LINGO2: variants seen among roughly 807,000 people sequenced by gnomAD.
LINGO2 encodes the protein leucine rich repeat and Ig domain containing 2, also known as leucine-rich repeat and immunoglobulin-like domain-containing nogo receptor-interacting protein 2.
In LINGO2, 14 loss-of-function variants were observed where a neutral mutation model predicts 30.6. The observed-to-expected ratio is 0.46, with a 90% CI of 0.30 to 0.72. The LOEUF (loss-of-function observed/expected upper bound fraction) is 0.72, where lower values mean the gene tolerates loss of function less well. Among genes scored for constraint, LINGO2 ranks in the 30% least tolerant of loss-of-function variants. LINGO2 has a pLI of 0.07. For synonymous variants in LINGO2, 317 were observed against 288.5 expected (o/e 1.10, Z -1.00); for missense variants, 729 against 751.7 (o/e 0.97, Z 0.35).
At chr9:28,104,849 G>A (rs1006278228) in intron 4 of LINGO2, among the ~76,000 whole-genome samples, 4 of 152,002 alleles carry the variant, frequency 2.6e-5, no homozygotes, top group Non-Finnish European at 5.9e-5. Flanking sequence ...TATTTATAAT[G>A]AGAAGATAAA....
the LINGO2 span, among the ~76,000 whole-genome samples, chr9:28,973,420 G>A: frequency 6.6e-6 from 1 of 151,990 alleles, no homozygotes; most frequent in South Asian, 2.1e-4. Context: ...ACCTTGAATT[G>A]TAATAATCCC....
At chr9:28,797,329 CATAT>C in the LINGO2 span, among the ~76,000 whole-genome samples, 704 of 65,896 alleles carry the variant, frequency 0.011, 16 homozygotes, top group African/African-American at 0.027. Flanking sequence ...ATCATATATA[CATAT>C]ATATATATAT....
chr9:29,087,725 G>A, the LINGO2 span, among the ~76,000 whole-genome samples: 2 of 151,972 alleles, frequency 1.3e-5, no homozygotes, highest in Non-Finnish European at 2.9e-5. Flanking sequence ...CCCAATATAG[G>A]ATTTTGGCAA....
intron 2 of LINGO2, among the ~76,000 whole-genome samples, chr9:28,437,237 C>A (rs1280494769): frequency 6.6e-6 from 1 of 152,130 alleles, no homozygotes; most frequent in Non-Finnish European, 1.5e-5. Context: ...CTTTCTTTGT[C>A]CTAGAGCTGG....
the LINGO2 span, among the ~76,000 whole-genome samples, chr9:29,138,739 TA>T: frequency 6.6e-6 from 1 of 152,078 alleles, no homozygotes; most frequent in Admixed American, 6.6e-5. Flanking sequence ...TCAGTGTGGA[TA>T]AATAATTCAG....
the LINGO2 span, among the ~76,000 whole-genome samples, chr9:28,986,313 C>T: frequency 2.6e-5 from 4 of 151,842 alleles, no homozygotes; most frequent in South Asian, 6.2e-4. Flanking sequence ...TAGTGTGATG[C>T]CTACAGCTTT....
intron 3 of LINGO2, among the ~76,000 whole-genome samples, chr9:28,336,702 A>C (rs542393135): frequency 2.0e-4 from 31 of 152,294 alleles, no homozygotes; most frequent in African/African-American, 7.5e-4. Flanking sequence ...CTTTGCAGAA[A>C]AATCAGTTGG....
At chr9:28,746,023 C>G in the LINGO2 span, among the ~76,000 whole-genome samples, 1 of 151,906 alleles carries the variant, frequency 6.6e-6, no homozygotes, top group Non-Finnish European at 1.5e-5. Flanking sequence ...GGAACCAACA[C>G]AGAAAACCAT....
chr9:29,104,274 T>C, the LINGO2 span, among the ~76,000 whole-genome samples: 11 of 152,240 alleles, frequency 7.2e-5, no homozygotes, highest in African/African-American at 2.4e-4. Flanking sequence ...GATTGGATCA[T>C]GGTGTGCATT....
chr9:29,104,372 G>A, the LINGO2 span, among the ~76,000 whole-genome samples: 1 of 151,866 alleles, frequency 6.6e-6, no homozygotes, highest in South Asian at 2.1e-4. Flanking sequence ...TCTCTCTCCT[G>A]CTCTGCCATG....
At chr9:28,694,563 C>A in the LINGO2 span, among the ~76,000 whole-genome samples, 2 of 151,958 alleles carry the variant, frequency 1.3e-5, no homozygotes, top group Non-Finnish European at 2.9e-5. Context: ...TATACCAACT[C>A]CTCCTATCCT....
At chr9:28,503,027 A>T (rs1436836033) in intron 1 of LINGO2, among the ~76,000 whole-genome samples, 1 of 152,100 alleles carries the variant, frequency 6.6e-6, no homozygotes, top group Non-Finnish European at 1.5e-5. Flanking sequence ...AGTGTTTGCT[A>T]TCCTGTTGGC....
the LINGO2 span, among the ~76,000 whole-genome samples, chr9:29,192,500 C>T: frequency 1.3e-5 from 2 of 152,024 alleles, no homozygotes; most frequent in Non-Finnish European, 2.9e-5. Flanking sequence ...GGAAATAATA[C>T]AGAAACACAA....
the LINGO2 span, among the ~76,000 whole-genome samples, chr9:28,874,087 C>A: frequency 2.0e-5 from 3 of 151,892 alleles, no homozygotes; most frequent in African/African-American, 7.3e-5. Context: ...CATCTGCTGG[C>A]CCATATCATG....
At chr9:29,185,286 T>C in the LINGO2 span, among the ~76,000 whole-genome samples, 6 of 152,082 alleles carry the variant, frequency 3.9e-5, no homozygotes, top group Admixed American at 2.6e-4. Context: ...TAGTACTCTA[T>C]GGAACAAAGT....
the LINGO2 span, among the ~76,000 whole-genome samples, chr9:28,695,048 TACAAACAAACAA>T: frequency 4.5e-4 from 68 of 150,150 alleles, no homozygotes; most frequent in African/African-American, 1.6e-3. Flanking sequence ...CAATCTCTAA[TACAAACAAACAA>T]ACAAACAAAC....
chr9:28,745,264 T>A, the LINGO2 span, among the ~76,000 whole-genome samples: 1 of 151,934 alleles, frequency 6.6e-6, no homozygotes, highest in Non-Finnish European at 1.5e-5. Context: ...TGGACAGAGG[T>A]TGTATTTAAG....
chr9:27,983,398 A>G (rs1255973405), intron 5 of LINGO2, among the ~76,000 whole-genome samples: 2 of 151,860 alleles, frequency 1.3e-5, no homozygotes, highest in Non-Finnish European at 2.9e-5. Flanking sequence ...TGAGACACCA[A>G]GTAGGACACA....
At chr9:29,053,408 C>A in the LINGO2 span, among the ~76,000 whole-genome samples, 1 of 152,042 alleles carries the variant, frequency 6.6e-6, no homozygotes, top group Non-Finnish European at 1.5e-5. Context: ...TCAATTCCCA[C>A]CTATGGGTGG....
Sources: gnomAD v4.1 joint callset for allele counts (sites outside exome capture counted in the v4.1 genomes callset) on GRCh38, gnomAD v4.1.1 for gene constraint, MANE v1.5 for transcripts, NCBI Gene and HGNC (gene_info 2026-07-23, HGNC 2026-07-21) for gene names.